Variants in BLTP3A observed in about 807,000 individuals in gnomAD.
BLTP3A encodes the protein ICBP90 binding protein 1.
chr6:34,833,264 A>G, the BLTP3A span, among the ~76,000 whole-genome samples: 1 of 152,062 alleles, frequency 6.6e-6, no homozygotes, highest in Non-Finnish European at 1.5e-5. Flanking sequence ...GGTATAGGAG[A>G]TGGTACTGGG....
At chr6:34,870,961 TCA>T in the BLTP3A span, 1 of 1,614,166 alleles carries the variant, frequency 6.2e-7, no homozygotes, top group Non-Finnish European at 8.5e-7. Context: ...CCCCCTGGCC[TCA>T]CAAAATGGCT....
the BLTP3A span, among the ~76,000 whole-genome samples, chr6:34,832,496 C>T: frequency 6.6e-6 from 1 of 150,740 alleles, no homozygotes; most frequent in Non-Finnish European, 1.5e-5. Flanking sequence ...AGTGCAGTGG[C>T]GCAATCTTGG....
At chr6:34,801,693 C>T in the BLTP3A span, among the ~76,000 whole-genome samples, 1 of 152,008 alleles carries the variant, frequency 6.6e-6, no homozygotes, top group Non-Finnish European at 1.5e-5. Context: ...AAATATCGCA[C>T]AGCTTTATTT....
chr6:34,800,909 A>G, the BLTP3A span, among the ~76,000 whole-genome samples: 3 of 151,848 alleles, frequency 2.0e-5, no homozygotes, highest in Non-Finnish European at 4.4e-5. Context: ...TTGTATTTTT[A>G]GTAGAGATGG....
At chr6:34,818,973 G>T in the BLTP3A span, among the ~76,000 whole-genome samples, 1 of 151,912 alleles carries the variant, frequency 6.6e-6, no homozygotes, top group African/African-American at 2.4e-5. Context: ...GAAAAAAGTT[G>T]GTAAATATAT....
the BLTP3A span, among the ~76,000 whole-genome samples, chr6:34,843,123 A>G: frequency 1.3e-5 from 2 of 152,214 alleles, no homozygotes; most frequent in African/African-American, 4.8e-5. Context: ...AGCTGGGACT[A>G]TAGGCATGTG....
At chr6:34,808,346 C>CAAAAAAAAAAAAAAAAAAAAAAAAA in the BLTP3A span, among the ~76,000 whole-genome samples, 1 of 26,734 alleles carries the variant, frequency 3.7e-5, no homozygotes, top group Non-Finnish European at 6.6e-5. Flanking sequence ...AACTCCGTCT[C>CAAAAAAAAAAAAAAAAAAAAAAAAA]AAAAAAAAAA....
the BLTP3A span, among the ~76,000 whole-genome samples, chr6:34,826,511 A>G: frequency 6.6e-6 from 1 of 152,000 alleles, no homozygotes; most frequent in Non-Finnish European, 1.5e-5. Flanking sequence ...GGCATGTGCC[A>G]CTGCACCCAA....
chr6:34,852,075 C>G, the BLTP3A span, among the ~76,000 whole-genome samples: 1 of 151,764 alleles, frequency 6.6e-6, no homozygotes, highest in Non-Finnish European at 1.5e-5. Flanking sequence ...GAGCTAAAGC[C>G]TGGAATCGGG....
chr6:34,795,505 C>A, the BLTP3A span, among the ~76,000 whole-genome samples: 1 of 151,482 alleles, frequency 6.6e-6, no homozygotes. Flanking sequence ...TCAAGCGATT[C>A]TCCTGTCTTG....
chr6:34,855,879 A>G, the BLTP3A span: 3 of 985,300 alleles, frequency 3.0e-6, no homozygotes, highest in African/African-American at 5.2e-5. Flanking sequence ...AGGTTCCACT[A>G]TTGATGATTC....
chr6:34,801,365 C>T, the BLTP3A span, among the ~76,000 whole-genome samples: 1 of 152,100 alleles, frequency 6.6e-6, no homozygotes, highest in Non-Finnish European at 1.5e-5. Flanking sequence ...ATATTAAGTT[C>T]TGGGTCTTGG....
At chr6:34,866,846 T>A in the BLTP3A span, among the ~76,000 whole-genome samples, 10 of 152,242 alleles carry the variant, frequency 6.6e-5, no homozygotes, top group Non-Finnish European at 1.2e-4. Context: ...TTTGTCCTTT[T>A]ATCACTGGCT....
chr6:34,872,041 T>A, the BLTP3A span: 1 of 1,061,996 alleles, frequency 9.4e-7, no homozygotes, highest in Non-Finnish European at 1.4e-6. Flanking sequence ...CATGTGGGTG[T>A]TTTGGGTTCC....
the BLTP3A span, among the ~76,000 whole-genome samples, chr6:34,815,723 AC>A: frequency 6.6e-6 from 1 of 151,898 alleles, no homozygotes; most frequent in Non-Finnish European, 1.5e-5. Context: ...GCTCACTGCA[AC>A]CTCTGCCTCC....
chr6:34,821,438 TTGTTCTGGCTG>T, the BLTP3A span: 1 of 508,962 alleles, frequency 2.0e-6, no homozygotes, highest in African/African-American at 1.9e-5. Context: ...CTGAGTGCAT[TTGTTCTGGCTG>T]GTCTGAGTGC....
the BLTP3A span, among the ~76,000 whole-genome samples, chr6:34,806,938 G>A: frequency 6.6e-6 from 1 of 152,154 alleles, no homozygotes; most frequent in African/African-American, 2.4e-5. Context: ...GAGATTACAG[G>A]CATGACCCAT....
the BLTP3A span, chr6:34,821,744 C>T: frequency 6.2e-7 from 1 of 1,614,142 alleles, no homozygotes; most frequent in Non-Finnish European, 8.5e-7. Context: ...TGAAGAGGTT[C>T]TACAGAATGT....
the BLTP3A span, among the ~76,000 whole-genome samples, chr6:34,869,797 G>A: frequency 3.3e-5 from 5 of 151,530 alleles, no homozygotes; most frequent in Non-Finnish European, 7.4e-5. Context: ...GACTACAGGT[G>A]CCTGCCACCA....
Sources: allele counts gnomAD v4.1 joint callset (sites outside exome capture counted in the v4.1 genomes callset), GRCh38; gene constraint gnomAD v4.1.1; transcripts MANE v1.5; gene names NCBI Gene and HGNC (gene_info 2026-07-23, HGNC 2026-07-21).